Variants in AHCTF1 observed in about 807,000 individuals in gnomAD.
AHCTF1 encodes AT-hook containing transcription factor 1.
AHCTF1 carries 24 observed loss-of-function variants against 248.4 expected under a neutral mutation model. The ratio of observed to expected loss-of-function variants is 0.10; its 90% CI spans 0.07 to 0.14. The LOEUF (loss-of-function observed/expected upper bound fraction) is 0.14, where lower values mean the gene tolerates loss of function less well. Ranked by LOEUF, AHCTF1 falls within the 10% of genes least tolerant of loss-of-function variation. AHCTF1 has a pLI of 1.00. For missense variants in AHCTF1, 2,206 were observed against 2,636.2 expected, an observed-to-expected ratio of 0.84 and a Z score of 3.57; for synonymous variants, 786 against 929.8, an observed-to-expected ratio of 0.85 and a Z score of 2.81.
chr1:246,925,946 T>G (rs1666893268), intron 1 of AHCTF1, among the ~76,000 whole-genome samples: 1 of 151,070 alleles, frequency 6.6e-6, no homozygotes, highest in African/African-American at 2.4e-5. Flanking sequence ...CTGCCTGTAG[T>G]CCCAGCTACT....
rs1328139547 is a variant in AHCTF1, at chr1:246,840,141, C to T, written c.*665G>A. 2 of 152,572 alleles carry T rather than the reference C, an allele frequency of 1.3e-5. No homozygotes were observed. The highest frequency in any genetic ancestry group is 4.8e-5 in the African/African-American group (2 of 41,438). The allele number at this position is 152,572 out of a possible 1,614,324, so 9.5% of individuals were successfully genotyped here. On this transcript the variant is annotated 3_prime_UTR_variant, in exon 36 of 36. Transcript: ENST00000648844. ...TGAGCAGTGAACCGGTCAATCTAAC[C>T]TGGATTAGTCTTTGACTAATTAAGA... is the stretch of plus-strand genomic sequence containing the variant.
At chr1:246,903,539 G>A (rs187401056) in intron 7 of AHCTF1, among the ~76,000 whole-genome samples, 1 of 151,714 alleles carries the variant, frequency 6.6e-6, no homozygotes, top group South Asian at 2.1e-4. Context: ...TATAAGAATC[G>A]CTTTTCACAG....
intron 3 of AHCTF1, 54 bp downstream of exon 3, chr1:246,916,088 A>T (rs752919329): frequency 2.1e-5 from 33 of 1,571,888 alleles, no homozygotes; most frequent in Non-Finnish European, 2.8e-5. Flanking sequence ...CTATATAACC[A>T]GCAGGGGTTC....
Position 246,898,272 on chromosome 1 carries a change from C to A in AHCTF1, c.1559G>T (p.Arg520Leu), listed in dbSNP as rs750243290. 14 of 1,612,598 alleles carry A rather than the reference C, an allele frequency of 8.7e-6. No individual in the cohort carries two copies. The highest frequency in any genetic ancestry group is 1.1e-5 in the Non-Finnish European group (13 of 1,179,932). ...LNELIPDGYN[R>L]CLVAGLLSPR... ...GGAAAGAAGGCCAGCTACAAGACATCGATTATAACCATCAGGAATGAGTTC... is the reference window on the plus strand; with the variant it reads ...GGAAAGAAGGCCAGCTACAAGACATAGATTATAACCATCAGGAATGAGTTC... Residue 520 changes from arginine to leucine, a missense_variant, in exon 12 of 36, where the codon CGA becomes CTA. Arg to Leu is a moderately radical substitution (Grantham distance 102). Transcript: ENST00000648844.
At chr1:246,864,292 A>G (rs1388126730) in intron 26 of AHCTF1, 176 bp from the exon 27 acceptor site, 2 of 635,140 alleles carry the variant, frequency 3.1e-6, no homozygotes, top group South Asian at 2.5e-5. Flanking sequence ...AAAATTATTC[A>G]TCGCAAAACA....
At chr1:246,869,939 C>A (rs1354682142) in intron 24 of AHCTF1, among the ~76,000 whole-genome samples, 1 of 152,152 alleles carries the variant, frequency 6.6e-6, no homozygotes, top group Non-Finnish European at 1.5e-5. Context: ...GAGATCCGAA[C>A]AAAGTCCTTT....
In AHCTF1 at chr1:246,868,848, T is replaced by G. The variant is rs1288764734; in HGVS notation, c.3089-1037A>C. On this transcript the variant is annotated intron_variant, in intron 24 of 35. Coordinates refer to ENST00000648844, the MANE Select transcript of AHCTF1 (RefSeq NM_001323342.2). ...GCTTCATTGTGTGTGTGTTTTTTGTTTTTTTTTTTTTTTTGAGATGGAGTC... is the reference window on the plus strand; with the variant it reads ...GCTTCATTGTGTGTGTGTTTTTTGTGTTTTTTTTTTTTTTGAGATGGAGTC... 1.8e-3 allele frequency among the ~76,000 whole-genome samples: 33 copies of G among 18,184 alleles called. 1 individual carries two copies. The Middle Eastern group carries it at 0.25, about 138-fold the overall frequency. The allele number at this position is 18,184 out of a possible 152,430, so 11.9% of individuals were successfully genotyped here. A position where few individuals can be genotyped will look rare whatever the true frequency, so the allele number is the denominator to read the frequency against.
chr1:246,887,217 G>A lies in AHCTF1; in HGVS notation c.2466C>T (p.Asp822=), dbSNP rs1663879375. The change falls in exon 20 of 36, where the codon GAC becomes GAT. Residue 822 remains aspartate, a synonymous_variant. Coordinates refer to ENST00000648844, the MANE Select transcript of AHCTF1 (RefSeq NM_001323342.2). Reference sequence around the variant, plus strand: ...TGTAAGTGAATAGACTTACCTCATAGTCATTATGATCTATCAACCAAAACC... The same window carrying A: ...TGTAAGTGAATAGACTTACCTCATAATCATTATGATCTATCAACCAAAACC... The part of the protein sequence containing the change: ...IQGFWLIDHN[D]YESGLDLLFH... The A allele has an allele frequency of 6.2e-7, 1 of 1,610,282 alleles. No homozygotes were observed. The highest frequency in any genetic ancestry group is 8.5e-7 in the Non-Finnish European group (1 of 1,178,948).
At chr1:246,923,005 G>GTATCAATAGTATTCTTAATAGCC (rs1218731192) in intron 1 of AHCTF1, among the ~76,000 whole-genome samples, 4 of 105,202 alleles carry the variant, frequency 3.8e-5, no homozygotes, top group Non-Finnish European at 7.7e-5. Context: ...AAAAAAAAAA[G>GTATCAATAGTATTCTTAATAGCC]TATCAATAGT....
At chr1:246,920,084 G>C (rs1262044021) in intron 1 of AHCTF1, among the ~76,000 whole-genome samples, 1 of 140,152 alleles carries the variant, frequency 7.1e-6, no homozygotes, top group Non-Finnish European at 1.5e-5. Flanking sequence ...CAGTTGCAGT[G>C]AGCCGAGATT....
intron 1 of AHCTF1, among the ~76,000 whole-genome samples, chr1:246,929,737 C>A (rs1447680968): frequency 1.3e-5 from 2 of 152,176 alleles, no homozygotes; most frequent in African/African-American, 2.4e-5. Context: ...GTGAAAGACA[C>A]AACGTTTTGC....
chr1:246,895,798 A>G, intron 13 of AHCTF1, 37 bp downstream of exon 13: 6 of 1,516,188 alleles, frequency 4.0e-6, no homozygotes, highest in Non-Finnish European at 3.6e-6. Flanking sequence ...GATAACTTTA[A>G]AAATACCAAA....
At chr1:246,921,329 C>G (rs1352067896) in intron 1 of AHCTF1, among the ~76,000 whole-genome samples, 1 of 152,158 alleles carries the variant, frequency 6.6e-6, no homozygotes, top group Non-Finnish European at 1.5e-5. Context: ...TTCTCTAGAA[C>G]TTGGTGCTGA....
At position 246,905,567 on chromosome 1, in the gene AHCTF1, C is replaced by T; in HGVS notation, c.855G>A (p.Leu285=). 1 of 1,612,218 alleles carries T rather than the reference C, an allele frequency of 6.2e-7. No individual in the cohort carries two copies. The highest frequency in any genetic ancestry group is 8.5e-7 in the Non-Finnish European group (1 of 1,179,932). ...PENDPRNCCY[L]WAVQSTQDSE... ...TATCTTGTGTAGACTGAACAGCCCA[C>T]AAGTAACAGCAATTCCGAGGATCAT... The change falls in exon 6 of 36, where the codon TTG becomes TTA. Residue 285 remains leucine (L), a synonymous_variant. Coordinates refer to ENST00000648844, the MANE Select transcript of AHCTF1 (RefSeq NM_001323342.2).
chr1:246,879,818 ACT>A (rs1304046152), intron 21 of AHCTF1, among the ~76,000 whole-genome samples: 3 of 150,504 alleles, frequency 2.0e-5, no homozygotes, highest in Non-Finnish European at 3.0e-5. Flanking sequence ...ACAAAGTGAG[ACT>A]CTGTTCCCCC....
At chr1:246,870,424 T>TA (rs1158651396) in intron 24 of AHCTF1, among the ~76,000 whole-genome samples, 3 of 152,062 alleles carry the variant, frequency 2.0e-5, no homozygotes, top group South Asian at 2.1e-4. Flanking sequence ...CCTTGTCTCT[T>TA]AAAAAAACAA....
In AHCTF1 at chr1:246,842,705, T is replaced by TA. The variant is rs1212088790; in HGVS notation, c.6596_6597insT (p.Lys2199AsnfsTer28). On this transcript the variant is annotated frameshift_variant, in exon 35 of 36. Transcript: ENST00000648844. LOFTEE classifies it low-confidence loss of function (END_TRUNC). ...ACAGAAAGTCATACTTGCTTGCTTG[T>TA]TTTGTTTTTGACGTCCTGATTCGTT... The TA allele has an allele frequency of 6.2e-7, 1 of 1,613,436 alleles. No homozygotes were observed. The highest frequency in any genetic ancestry group is 8.5e-7 in the Non-Finnish European group (1 of 1,179,992).
Position 246,918,194 on chromosome 1 carries a change from ATTAT to A in AHCTF1, c.121+52_121+55del, listed in dbSNP as rs575666954. 4,804 of 1,494,996 alleles carry A rather than the reference ATTAT, an allele frequency of 3.2e-3. 39 individuals are homozygous for A. Among genetic ancestry groups the A allele is most frequent in the Middle Eastern group, 0.03 (122 of 4,008 alleles). 92.6% of individuals were successfully genotyped at this position (1,494,996 alleles called of 1,614,324 possible). ...AAAGAAACTATAATATATACTTATT[ATTAT>A]TTATCTTACAAATCAATTGTATTAG... On this transcript the variant is annotated intron_variant, in intron 2 of 35. Coordinates refer to ENST00000648844, the MANE Select transcript of AHCTF1 (RefSeq NM_001323342.2).
Position 246,931,861 on chromosome 1 carries a change from G to C in AHCTF1, c.-291C>G, listed in dbSNP as rs1050811270. 3 of 152,538 alleles carry C rather than the reference G, an allele frequency of 2.0e-5. No homozygotes were observed. Among genetic ancestry groups the C allele is most frequent in the Non-Finnish European group, 4.4e-5 (3 of 68,354 alleles). 9.4% of individuals were successfully genotyped at this position (152,538 alleles called of 1,614,324 possible). On this transcript the variant is annotated 5_prime_UTR_variant, in exon 1 of 36. Transcript: ENST00000648844. Reference sequence around the variant, plus strand: ...AAAACGCAGTCGCTGCTCCCGCCGCGCTTCTGGGTCCTTCCCCTTGCAACG... The same window carrying C: ...AAAACGCAGTCGCTGCTCCCGCCGCCCTTCTGGGTCCTTCCCCTTGCAACG...
Sources: gnomAD v4.1 joint callset for allele counts (sites outside exome capture counted in the v4.1 genomes callset) on GRCh38, gnomAD v4.1.1 for gene constraint, MANE v1.5 for transcripts, NCBI Gene and HGNC (gene_info 2026-07-23, HGNC 2026-07-21) for gene names.